SPOCK3: variants seen among roughly 807,000 people sequenced by gnomAD.
SPOCK3 encodes the protein testican-3.
A neutral mutation model predicts 56.6 loss-of-function variants in SPOCK3; 30 were observed. The ratio of observed to expected loss-of-function variants is 0.53; its 90% CI spans 0.40 to 0.72. The LOEUF is 0.72. SPOCK3 is among the 30% of genes least tolerant of loss of function. The probability of loss-of-function intolerance (pLI) is 0.00; values close to 1 mark genes in which losing one functional copy is unlikely to be tolerated. For missense variants in SPOCK3, 527 were observed against 530.0 expected, an observed-to-expected ratio of 0.99 and a Z score of 0.06; for synonymous variants, 196 against 183.3, an observed-to-expected ratio of 1.07 and a Z score of -0.56.
intron 3 of SPOCK3, among the ~76,000 whole-genome samples, chr4:167,053,413 G>A (rs759773717): frequency 2.6e-5 from 4 of 152,100 alleles, no homozygotes; most frequent in African/African-American, 7.2e-5. Context: ...TTGGCCACAC[G>A]CTGTGGCTCA....
intron 6 of SPOCK3, among the ~76,000 whole-genome samples, chr4:166,860,820 T>A (rs1437670854): frequency 1.4e-5 from 2 of 145,758 alleles, no homozygotes; most frequent in Non-Finnish European, 3.0e-5. Flanking sequence ...TATATATGTA[T>A]ATATATATAT....
chr4:167,017,504 T>C (rs1750739927), intron 3 of SPOCK3, among the ~76,000 whole-genome samples: 1 of 152,044 alleles, frequency 6.6e-6, no homozygotes, highest in Non-Finnish European at 1.5e-5. Context: ...CCATGATAGA[T>C]AATTTGCAGT....
chr4:166,746,558 C>T lies in SPOCK3; in HGVS notation c.932-4499G>A, dbSNP rs10003375. ...GAAAGATCTAAAATTGACACCCTAA[C>T]ATCACAATTAAAAGAACTAGAGAGG... is the stretch of plus-strand genomic sequence containing the variant. On this transcript the variant is annotated intron_variant, in intron 8 of 10. Transcript: ENST00000357545. Among the ~76,000 whole-genome samples, 1,327 of 152,214 alleles carry T rather than the reference C, an allele frequency of 8.7e-3. 24 individuals carry two copies. Among genetic ancestry groups the T allele is most frequent in the African/African-American group, 0.03 (1,256 of 41,530 alleles).
intron 6 of SPOCK3, among the ~76,000 whole-genome samples, chr4:166,805,707 T>A (rs1351101995): frequency 1.3e-5 from 2 of 152,032 alleles, no homozygotes; most frequent in Non-Finnish European, 2.9e-5. Flanking sequence ...TTAAGAAAAT[T>A]ACTGTGGGGT....
intron 6 of SPOCK3, among the ~76,000 whole-genome samples, chr4:166,856,799 T>G (rs533560251): frequency 4.6e-5 from 7 of 151,224 alleles, no homozygotes; most frequent in Non-Finnish European, 8.9e-5. Context: ...TATCTATCTA[T>G]CTATCTATCT....
intron 6 of SPOCK3, among the ~76,000 whole-genome samples, chr4:166,806,960 T>C (rs1743226974): frequency 6.6e-6 from 1 of 151,858 alleles, no homozygotes; most frequent in African/African-American, 2.4e-5. Context: ...CAACAATAAC[T>C]AATATAAAAA....
chr4:166,863,007 G>C (rs1255677440), intron 6 of SPOCK3, among the ~76,000 whole-genome samples: 1 of 152,068 alleles, frequency 6.6e-6, no homozygotes, highest in Non-Finnish European at 1.5e-5. Flanking sequence ...AGGGCAGCCA[G>C]AGAGAAAGGT....
chr4:167,000,665 A>G (rs1239998829), intron 3 of SPOCK3, among the ~76,000 whole-genome samples: 3 of 152,298 alleles, frequency 2.0e-5, no homozygotes, highest in South Asian at 2.1e-4. Context: ...CATCCACTCT[A>G]TTCAGAAGCT....
intron 7 of SPOCK3, among the ~76,000 whole-genome samples, chr4:166,790,972 G>A (rs1741280490): frequency 6.6e-6 from 1 of 152,000 alleles, no homozygotes; most frequent in Non-Finnish European, 1.5e-5. Flanking sequence ...ATTTCTATTA[G>A]GCAAGTTAAA....
At position 166,835,727 on chromosome 4, in the gene SPOCK3, G is replaced by C. The variant is rs552227671; in HGVS notation, c.590-43438C>G. 9.3e-4 allele frequency among the ~76,000 whole-genome samples: 142 copies of C among 152,166 alleles called. 4 individuals are homozygous for C. The South Asian group carries it at 0.027, about 29-fold the overall frequency. ...ATATTCGTTCAAAAAATTCTGTTTT[G>C]GCCGGGCATGGTGGCTCACGCCAGC... On this transcript the variant is annotated intron_variant, in intron 6 of 10. Transcript: ENST00000357545.
At chr4:166,742,121 T>TATGTTATCAA (rs1196295102) in intron 8 of SPOCK3, 62 bp from the exon 9 acceptor site, 2 of 1,233,124 alleles carry the variant, frequency 1.6e-6, no homozygotes, top group Admixed American at 1.8e-5. Flanking sequence ...GTGTAATTTC[T>TATGTTATCAA]ATGTTATCAA....
chr4:166,794,321 G>A (rs2126663009), intron 6 of SPOCK3, among the ~76,000 whole-genome samples: 1 of 151,014 alleles, frequency 6.6e-6, no homozygotes, highest in Admixed American at 6.6e-5. Context: ...TCCCCTTAAA[G>A]GGATAGGCAC....
intron 2 of SPOCK3, among the ~76,000 whole-genome samples, chr4:167,100,410 T>C (rs1016756740): frequency 6.6e-6 from 1 of 151,590 alleles, no homozygotes; most frequent in African/African-American, 2.4e-5. Flanking sequence ...TCTCTGTCTC[T>C]CTCTCTCTCT....
intron 2 of SPOCK3, among the ~76,000 whole-genome samples, chr4:167,138,716 G>C (rs1332171755): frequency 6.6e-6 from 1 of 151,928 alleles, no homozygotes; most frequent in Non-Finnish European, 1.5e-5. Flanking sequence ...GTTGTCTTAA[G>C]AGAAAGCCAA....
chr4:167,217,361 T>TG (rs1735465809), intron 2 of SPOCK3, among the ~76,000 whole-genome samples: 3 of 151,672 alleles, frequency 2.0e-5, no homozygotes, highest in Non-Finnish European at 4.4e-5. Context: ...AGATGTTTTT[T>TG]TTTGTTGTTT....
Position 166,765,540 on chromosome 4 carries a change from G to A in SPOCK3, c.710-10811C>T, listed in dbSNP as rs571017115. Among the ~76,000 whole-genome samples, 793 of 152,208 alleles carry A rather than the reference G, an allele frequency of 5.2e-3. 7 individuals carry two copies. Among genetic ancestry groups the A allele is most frequent in the African/African-American group, 0.018 (741 of 41,522 alleles). ...CTGAGGGCTCTGTTCTGTTCCATTG[G>A]TCTATATCTCTGTTTTGGTACCAGT... On this transcript the variant is annotated intron_variant, in intron 7 of 10. Transcript: ENST00000357545.
intron 2 of SPOCK3, among the ~76,000 whole-genome samples, chr4:167,191,146 T>C (rs962450424): frequency 6.8e-6 from 1 of 146,124 alleles, no homozygotes; most frequent in Admixed American, 7.0e-5. Flanking sequence ...GGATTGTTTT[T>C]TTATTTTCTA....
At chr4:167,185,553 T>C (rs1731872820) in intron 2 of SPOCK3, among the ~76,000 whole-genome samples, 1 of 152,132 alleles carries the variant, frequency 6.6e-6, no homozygotes, top group Admixed American at 6.5e-5. Flanking sequence ...GCCATGGCCA[T>C]AAGTCAAGTT....
chr4:167,114,863 T>C (rs1197898553), intron 2 of SPOCK3, among the ~76,000 whole-genome samples: 1 of 151,758 alleles, frequency 6.6e-6, no homozygotes, highest in African/African-American at 2.4e-5. Flanking sequence ...ACAGTGTTCA[T>C]ACTAAGACTC....
Sources: gnomAD v4.1 joint callset for allele counts (sites outside exome capture counted in the v4.1 genomes callset) on GRCh38, gnomAD v4.1.1 for gene constraint, MANE v1.5 for transcripts, NCBI Gene and HGNC (gene_info 2026-07-23, HGNC 2026-07-21) for gene names.